Variants in PTDSS2 observed in about 807,000 individuals in gnomAD.
PTDSS2 encodes phosphatidylserine synthase 2, also known as PSS-2.
Under a neutral mutation model 64.7 loss-of-function variants are expected in PTDSS2, and 41 were observed. That is an observed-to-expected ratio of 0.63 (90% CI 0.49 to 0.82). The LOEUF is 0.82. Ranked by LOEUF, PTDSS2 falls within the 40% of genes least tolerant of loss-of-function variation. The probability of loss-of-function intolerance (pLI) is 0.00; values close to 1 mark genes in which losing one functional copy is unlikely to be tolerated. For missense variants in PTDSS2, 485 were observed against 650.0 expected, an observed-to-expected ratio of 0.75 and a Z score of 2.76; for synonymous variants, 297 against 277.8, an observed-to-expected ratio of 1.07 and a Z score of -0.69.
intron 1 of PTDSS2, among the ~76,000 whole-genome samples, chr11:452,862 T>G (rs1241845564): frequency 7.9e-5 from 12 of 152,214 alleles, no homozygotes; most frequent in Non-Finnish European, 5.9e-5. Context: ...TTTTGTGTTT[T>G]AGAGAGTTTT....
Position 476,726 on chromosome 11 carries a change from G to T in PTDSS2, c.368-2359G>T, listed in dbSNP as rs74685834. On this transcript the variant is annotated intron_variant, in intron 3 of 11. Transcript: ENST00000308020. The surrounding 1 kb of genome is among the most constrained non-coding windows in gnomAD (Gnocchi z 4.9). ...TGGCGCTTCCAAAAGCTCCGGCCGCGGCGTCTCTTGAGTTGTGGCTCGTCC... is the reference window on the plus strand; with the variant it reads ...TGGCGCTTCCAAAAGCTCCGGCCGCTGCGTCTCTTGAGTTGTGGCTCGTCC... Among the ~76,000 whole-genome samples the T allele has an allele frequency of 1.3e-3, 191 of 152,236 alleles. 1 individual carries two copies. The highest frequency in any genetic ancestry group is 4.5e-3 in the African/African-American group (185 of 41,544).
upstream of PTDSS2, among the ~76,000 whole-genome samples, chr11:449,322 C>A (rs765512411): frequency 1.3e-5 from 2 of 152,224 alleles, no homozygotes; most frequent in African/African-American, 2.4e-5. Flanking sequence ...CCCGCCTTGG[C>A]CTCCCAAAGT....
intron 1 of PTDSS2, among the ~76,000 whole-genome samples, chr11:455,675 C>A (rs1005177279): frequency 9.9e-5 from 15 of 152,260 alleles, no homozygotes; most frequent in Non-Finnish European, 2.1e-4. Flanking sequence ...CTCGCGCTCC[C>A]TTCTTGCTAT....
chr11:452,210 C>G (rs1846363798), intron 1 of PTDSS2, among the ~76,000 whole-genome samples: 1 of 152,228 alleles, frequency 6.6e-6, no homozygotes, highest in Non-Finnish European at 1.5e-5. Flanking sequence ...CTTCTTGTTT[C>G]TCATTTGGCC....
chr11:448,624 G>A (rs2133738391), upstream of PTDSS2, among the ~76,000 whole-genome samples: 1 of 152,300 alleles, frequency 6.6e-6, no homozygotes, highest in South Asian at 2.1e-4. Context: ...ACGCCCCCTG[G>A]AGCCAGCGCC....
intron 1 of PTDSS2, among the ~76,000 whole-genome samples, chr11:454,672 G>C (rs932442406): frequency 1.3e-5 from 2 of 152,136 alleles, no homozygotes; most frequent in African/African-American, 4.8e-5. Flanking sequence ...GGGTGTGGTG[G>C]CGGGCGCCTG....
rs1175588172 is a variant in PTDSS2, at chr11:470,524, G to A, written c.285-3371G>A. On this transcript the variant is annotated intron_variant, in intron 2 of 11. Coordinates refer to ENST00000308020, the MANE Select transcript of PTDSS2 (RefSeq NM_030783.3). The surrounding 1 kb of genome is among the most constrained non-coding windows in gnomAD (Gnocchi z 5.3). The stretch of plus-strand genomic sequence containing the variant: ...AGGGGGAAGGACATCAGGGGAGAGC[G>A]AAGGAAGTGTAGGCCTCAGCAGCTG... Among the ~76,000 whole-genome samples the A allele has an allele frequency of 6.6e-6, 1 of 152,192 alleles. No individual in the cohort carries two copies. The highest frequency in any genetic ancestry group is 2.1e-4 in the South Asian group (1 of 4,832).
intron 2 of PTDSS2, among the ~76,000 whole-genome samples, chr11:469,637 G>A (rs961047208): frequency 5.9e-5 from 9 of 152,104 alleles, no homozygotes; most frequent in African/African-American, 1.7e-4. Flanking sequence ...CAGTGTGTGC[G>A]CAGTGGTTAA....
In PTDSS2 at chr11:450,550, C is replaced by A. The variant is rs889096423; in HGVS notation, c.95C>A (p.Pro32Gln). The change falls in exon 1 of 12, where the codon CCG (proline) becomes CAG (glutamine). Residue 32 changes from proline (P) to glutamine (Q), a missense_variant. Pro to Gln is a moderately conservative substitution (Grantham distance 76, BLOSUM62 -1). Coordinates refer to ENST00000308020, the MANE Select transcript of PTDSS2 (RefSeq NM_030783.3). ...TCGCTGGAGGAGCCGCCTGACGGGC[C>A]GTCTGCCGGCCAAGCCACCGGGCCG... ...RASLEEPPDG[P>Q]SAGQATGPGE... 1 of 1,242,560 alleles carries A rather than the reference C, an allele frequency of 8.0e-7. No individual in the cohort carries two copies. The highest frequency in any genetic ancestry group is 1.0e-6 in the Non-Finnish European group (1 of 985,956). The allele number at this position is 1,242,560 out of a possible 1,614,324, so 77.0% of individuals were successfully genotyped here. A position where few individuals can be genotyped will look rare whatever the true frequency, so the allele number is the denominator to read the frequency against.
At position 491,005 on chromosome 11, in the gene PTDSS2, C is replaced by T; in HGVS notation, c.*423C>T. 1 of 197,462 alleles carries T rather than the reference C, an allele frequency of 5.1e-6. No homozygotes were observed. Among genetic ancestry groups the T allele is most frequent in the Non-Finnish European group, 1.0e-5 (1 of 95,846 alleles). 12.2% of individuals were successfully genotyped at this position (197,462 alleles called of 1,614,324 possible). ...CTGGCCCACCAAGCTCCCTGTCACCCAGCCATGGTGTGGTCCAGGCAGGGA... is the reference window on the plus strand; with the variant it reads ...CTGGCCCACCAAGCTCCCTGTCACCTAGCCATGGTGTGGTCCAGGCAGGGA... On this transcript the variant is annotated 3_prime_UTR_variant, in exon 12 of 12. Transcript: ENST00000308020.
Position 489,959 on chromosome 11 carries a change from A to C in PTDSS2, c.1192A>C (p.Lys398Gln), listed in dbSNP as rs758107751. 3 of 1,611,714 alleles carry C rather than the reference A, an allele frequency of 1.9e-6. No homozygotes were observed. Among genetic ancestry groups the C allele is most frequent in the Non-Finnish European group, 2.5e-6 (3 of 1,179,816 alleles). Residue 398 changes from lysine (K) to glutamine (Q), a missense_variant, in exon 11 of 12, where the codon AAG becomes CAG. Physicochemically the swap from Lys to Gln is moderately conservative, Grantham distance 53. This residue lies in a region of PTDSS2 where 219 missense variants were observed against 257.3 expected (regional missense o/e 0.85). Transcript: ENST00000308020. ...ITATELLIVVKYDPHTLTLSL... is the reference protein window; with the variant it reads ...ITATELLIVVQYDPHTLTLSL... ...GGCCACGGAGCTGCTCATCGTGGTG[A>C]AGTACGACCCCCACACGCTCACCCT...
In PTDSS2 at chr11:490,426, C is replaced by G. The variant is rs376301981; in HGVS notation, c.1308C>G (p.Ile436Met). The G allele has an allele frequency of 1.9e-6, 3 of 1,613,240 alleles. No homozygotes were observed. In the East Asian group the frequency reaches 6.7e-5, roughly 36 times the overall value. Residue 436 changes from isoleucine (I) to methionine (M), a missense_variant, in exon 12 of 12, where the codon ATC becomes ATG. Physicochemically the swap from Ile to Met is conservative, Grantham distance 10 (BLOSUM62 1). Around this residue, in one of 3 missense-constraint regions of PTDSS2, gnomAD observed 219 missense variants for 257.3 expected, o/e 0.85. Coordinates refer to ENST00000308020, the MANE Select transcript of PTDSS2 (RefSeq NM_030783.3). Reference sequence around the variant, plus strand: ...GCTGCATCCCGCTCCCCAGGGACATCACATTGAGGTACAAGGAGACCCGGT... The same window carrying G: ...GCTGCATCCCGCTCCCCAGGGACATGACATTGAGGTACAAGGAGACCCGGT... ...WTVWRFFLRD[I>M]TLRYKETRWQ...
At chr11:478,266 C>T (rs1256879074) in intron 3 of PTDSS2, among the ~76,000 whole-genome samples, 2 of 149,624 alleles carry the variant, frequency 1.3e-5, no homozygotes, top group African/African-American at 2.5e-5. Context: ...GCCTGGGCAA[C>T]ATGTCGAAAC....
chr11:488,878 T>C (rs61876335), intron 8 of PTDSS2, among the ~76,000 whole-genome samples: 18,827 of 152,276 alleles, frequency 0.12, 1,305 homozygotes, highest in Admixed American at 0.2. Flanking sequence ...CCTCAATCCC[T>C]GGCCGGCCTG....
At chr11:448,476 C>T (rs1846186812), upstream of PTDSS2, 2 of 152,282 alleles carry the variant, frequency 1.3e-5, no homozygotes, top group African/African-American at 4.8e-5. Flanking sequence ...AAGGATGGTT[C>T]ACAGGGAACC....
intron 2 of PTDSS2, among the ~76,000 whole-genome samples, chr11:471,467 C>A (rs1319763927): frequency 1.3e-5 from 2 of 152,278 alleles, no homozygotes; most frequent in East Asian, 3.8e-4. Context: ...AGGTTAGAGT[C>A]CTGTGTGACC....
chr11:474,086 C>A, intron 3 of PTDSS2, 109 bp downstream of exon 3: 1 of 952,686 alleles, frequency 1.0e-6, no homozygotes, highest in Non-Finnish European at 1.7e-6. Context: ...CTCCGCCTGG[C>A]CCCTCCCCGA....
chr11:485,934 G>A (rs539180554), intron 4 of PTDSS2, among the ~76,000 whole-genome samples: 1,816 of 103,038 alleles, frequency 0.018, 76 homozygotes, highest in African/African-American at 0.052. Context: ...CTCACCGTGC[G>A]CGCAGGCGAG....
At chr11:473,857 C>G in intron 2 of PTDSS2, 38 bp from the exon 3 acceptor site, 2 of 1,502,654 alleles carry the variant, frequency 1.3e-6, no homozygotes, top group Non-Finnish European at 1.9e-6. Flanking sequence ...TGGGAGAAGC[C>G]TGCACACACT....
Sources: allele counts gnomAD v4.1 joint callset (sites outside exome capture counted in the v4.1 genomes callset), GRCh38; gene constraint gnomAD v4.1.1; regional missense constraint gnomAD v4.1.1; non-coding constraint Gnocchi (gnomAD v3.1); transcripts MANE v1.5; gene names NCBI Gene and HGNC (gene_info 2026-07-23, HGNC 2026-07-21).